KIF5B: variants seen among roughly 807,000 people sequenced by gnomAD.
KIF5B encodes kinesin-1 heavy chain.
A neutral mutation model predicts 132.8 loss-of-function variants in KIF5B; 49 were observed. That is an observed-to-expected ratio of 0.37 (90% CI 0.29 to 0.47). KIF5B has a LOEUF of 0.47. Among genes scored for constraint, KIF5B ranks in the 20% least tolerant of loss-of-function variants. KIF5B has a pLI of 1.00. For synonymous variants in KIF5B, 355 were observed against 369.4 expected (o/e 0.96, Z 0.45); for missense variants, 780 against 1,144.0 (o/e 0.68, Z 4.59).
At chr10:32,035,226 TTA>T (rs1433713289) in intron 10 of KIF5B, among the ~76,000 whole-genome samples, 1 of 152,240 alleles carries the variant, frequency 6.6e-6, no homozygotes, top group Non-Finnish European at 1.5e-5. Flanking sequence ...TAACAGAGGA[TTA>T]TGTTTGCCAG....
chr10:32,017,228 G>A lies in KIF5B; in HGVS notation c.2676C>T (p.Arg892=). ...KEAKENASRD[R]KRYQQEVDRI... Reference sequence around the variant, plus strand: ...GATCTACTTCTTGCTGATAGCGTTTGCGATCACGAGATGCATTTTCTTTAG... The same window carrying A: ...GATCTACTTCTTGCTGATAGCGTTTACGATCACGAGATGCATTTTCTTTAG... Residue 892 remains arginine (R), a synonymous_variant, in exon 24 of 26, where the codon CGC becomes CGT. Transcript: ENST00000302418. The A allele has an allele frequency of 6.2e-7, 1 of 1,614,186 alleles. No individual in the cohort carries two copies. Among genetic ancestry groups the A allele is most frequent in the African/African-American group, 1.3e-5 (1 of 75,048 alleles).
chr10:32,055,716 C>A, intron 1 of KIF5B, 132 bp downstream of exon 1: 3 of 1,271,004 alleles, frequency 2.4e-6, no homozygotes, highest in Non-Finnish European at 3.2e-6. Context: ...TTATCTGAAC[C>A]GGCAAACCCC....
chr10:32,022,532 G>A lies in KIF5B; in HGVS notation c.1915-275C>T, dbSNP rs113261116. ...CCATCTTCCCTCCTTGTGAAATTCT[G>A]ATAGTGGTGAATGGCCCCATTCATT... is the stretch of plus-strand genomic sequence containing the variant. On this transcript the variant is annotated intron_variant, in intron 16 of 25. Transcript: ENST00000302418. Among the ~76,000 whole-genome samples, 798 of 152,242 alleles carry A rather than the reference G, an allele frequency of 5.2e-3. 3 individuals carry two copies. Among genetic ancestry groups the A allele is most frequent in the Middle Eastern group, 0.017 (5 of 294 alleles).
Position 32,033,939 on chromosome 10 carries a change from G to A in KIF5B, c.1211C>T (p.Ala404Val). The A allele has an allele frequency of 6.2e-7, 1 of 1,612,442 alleles. No homozygotes were observed. The highest frequency in any genetic ancestry group is 8.5e-7 in the Non-Finnish European group (1 of 1,178,790). The change falls in exon 12 of 26, where the codon GCA becomes GTA. Residue 404 changes from alanine to valine, a missense_variant. By Grantham distance (64) the Ala-to-Val change is moderately conservative. This residue lies in a region of KIF5B where 471 missense variants were observed against 569.9 expected (regional missense o/e 0.83). Transcript: ENST00000302418. ...ATTTCCTATAACTCCAATTGCGGTT[G>A]CTGGTTTATCATTGGTAAGAGTAAT... ...KDITLTNDKP[A>V]TAIGVIGNFT...
intron 2 of KIF5B, 96 bp downstream of exon 2, chr10:32,048,368 G>C (rs1841642595): frequency 5.5e-6 from 4 of 733,362 alleles, no homozygotes; most frequent in Non-Finnish European, 9.2e-6. Flanking sequence ...TAGAAGAAAG[G>C]GGCATTAAAA....
Position 32,034,143 on chromosome 10 carries a change from A to G in KIF5B, c.1112-105T>C, listed in dbSNP as rs1173906849. 7 of 656,260 alleles carry G rather than the reference A, an allele frequency of 1.1e-5. No individual in the cohort carries two copies. The East Asian group carries it at 1.5e-4, about 14-fold the overall frequency. 40.7% of individuals were successfully genotyped at this position (656,260 alleles called of 1,614,324 possible). On this transcript the variant is annotated intron_variant, in intron 11 of 25. Transcript: ENST00000302418. ...TTTTTTTTTTTGAGACAGAGTCTCA[A>G]TCTGTCACCCTGGCTGGAGTGCAGT...
intron 24 of KIF5B, among the ~76,000 whole-genome samples, chr10:32,016,183 G>C (rs1564461814): frequency 6.6e-6 from 1 of 151,966 alleles, no homozygotes; most frequent in Non-Finnish European, 1.5e-5. Flanking sequence ...AAATGGCTGG[G>C]CAGTGGCTCA....
At chr10:32,035,844 T>C (rs776932161) in intron 9 of KIF5B, 46 bp downstream of exon 9, 1 of 1,461,080 alleles carries the variant, frequency 6.8e-7, no homozygotes, top group Non-Finnish European at 9.5e-7. Context: ...TATATTTAAA[T>C]AATGCCCCAT....
chr10:32,037,727 G>T, intron 6 of KIF5B, 120 bp from the exon 7 acceptor site: 1 of 678,388 alleles, frequency 1.5e-6, no homozygotes, highest in Non-Finnish European at 2.5e-6. Context: ...TAGCTACTTG[G>T]GAGGCTGAGG....
chr10:32,054,264 T>C (rs554111571), intron 1 of KIF5B, among the ~76,000 whole-genome samples: 3 of 152,340 alleles, frequency 2.0e-5, no homozygotes, highest in Admixed American at 2.0e-4. Flanking sequence ...CTCCTGACTA[T>C]ATGTAAAATA....
In KIF5B at chr10:32,021,297, T is replaced by C. The variant is rs573825647; in HGVS notation, c.2033-10A>G. The C allele has an allele frequency of 3.1e-6, 5 of 1,592,422 alleles. No homozygotes were observed. Among genetic ancestry groups the C allele is most frequent in the East Asian group, 4.5e-5 (2 of 44,728 alleles). On this transcript the variant is annotated splice_polypyrimidine_tract_variant and intron_variant, in intron 17 of 25. Transcript: ENST00000302418. The stretch of plus-strand genomic sequence containing the variant: ...ATTTCATGGACTTTCTCTGTTTGAA[T>C]AGAGAGAAAATAGAAGAGTGAAATA...
chr10:32,010,429 A>C lies in KIF5B; in HGVS notation c.*1108T>G, dbSNP rs1813003540. ...TTACTATTTCTAGACTAAAGAAATAAATTAGTGTACAAATTAGTGTAGCAG... is the reference window on the plus strand; with the variant it reads ...TTACTATTTCTAGACTAAAGAAATACATTAGTGTACAAATTAGTGTAGCAG... On this transcript the variant is annotated 3_prime_UTR_variant, in exon 26 of 26. Transcript: ENST00000302418. 6.6e-6 allele frequency: 1 copy of C among 152,228 alleles called. No homozygotes were observed. The highest frequency in any genetic ancestry group is 6.5e-5 in the Admixed American group (1 of 15,282). 9.4% of individuals were successfully genotyped at this position (152,228 alleles called of 1,614,324 possible). A position where few individuals can be genotyped will look rare whatever the true frequency, so the allele number is the denominator to read the frequency against.
At chr10:32,041,189 C>A (rs1243769822) in intron 2 of KIF5B, among the ~76,000 whole-genome samples, 2 of 147,648 alleles carry the variant, frequency 1.4e-5, no homozygotes, top group African/African-American at 5.0e-5. Flanking sequence ...GAAAGAGTGG[C>A]AAGAAAGATT....
chr10:32,055,836 G>A lies in KIF5B; in HGVS notation c.126+12C>T, dbSNP rs1323031611. ...AGAAGCGGGAGGAGGGATGCCGGCGGGGGTCACTCACCGCGATCACGACCG... is the reference window on the plus strand; with the variant it reads ...AGAAGCGGGAGGAGGGATGCCGGCGAGGGTCACTCACCGCGATCACGACCG... On this transcript the variant is annotated intron_variant, in intron 1 of 25. Transcript: ENST00000302418. 4 of 1,610,866 alleles carry A rather than the reference G, an allele frequency of 2.5e-6. No homozygotes were observed. Among genetic ancestry groups the A allele is most frequent in the Non-Finnish European group, 3.4e-6 (4 of 1,179,206 alleles).
At chr10:32,036,475 A>C (rs982554195) in intron 8 of KIF5B, among the ~76,000 whole-genome samples, 1 of 151,898 alleles carries the variant, frequency 6.6e-6, no homozygotes, top group Non-Finnish European at 1.5e-5. Flanking sequence ...GCTGGAGTGC[A>C]GTGGCTTGAT....
intron 4 of KIF5B, 128 bp from the exon 5 acceptor site, chr10:32,038,954 T>C: frequency 1.5e-6 from 1 of 647,446 alleles, no homozygotes. Context: ...ATAGCTCACA[T>C]TCTAATGGGA....
chr10:32,050,622 C>A (rs1412238776), intron 1 of KIF5B, among the ~76,000 whole-genome samples: 3 of 152,226 alleles, frequency 2.0e-5, no homozygotes, highest in African/African-American at 7.2e-5. Flanking sequence ...ATTTAAGCCA[C>A]TATTAGCTGT....
At chr10:32,019,701 A>C (rs1841232264) in intron 20 of KIF5B, among the ~76,000 whole-genome samples, 157 bp downstream of exon 20, 1 of 152,262 alleles carries the variant, frequency 6.6e-6, no homozygotes, top group Admixed American at 6.5e-5. Flanking sequence ...TATTCCAAGT[A>C]TTTAGATATA....
intron 25 of KIF5B, among the ~76,000 whole-genome samples, chr10:32,013,496 G>A (rs1195676092): frequency 6.6e-6 from 1 of 152,166 alleles, no homozygotes; most frequent in Admixed American, 6.5e-5. Context: ...TATCACTAAA[G>A]AGGGTGCTCA....
Sources: gnomAD v4.1 joint callset for allele counts (sites outside exome capture counted in the v4.1 genomes callset) on GRCh38, gnomAD v4.1.1 for gene constraint, gnomAD v4.1.1 regional missense constraint, MANE v1.5 for transcripts, NCBI Gene and HGNC (gene_info 2026-07-23, HGNC 2026-07-21) for gene names.